Variants in PIK3C2G observed in about 807,000 individuals in gnomAD.
PIK3C2G encodes the protein phosphatidylinositol 3-kinase C2 domain-containing subunit gamma.
A neutral mutation model predicts 181.1 loss-of-function variants in PIK3C2G; 168 were observed. The observed-to-expected ratio is 0.93, with a 90% CI of 0.82 to 1.05. PIK3C2G has a LOEUF of 1.05. Among genes scored for constraint, PIK3C2G ranks in the 50% least tolerant of loss-of-function variants. The probability of loss-of-function intolerance (pLI) is 0.00; values close to 1 mark genes in which losing one functional copy is unlikely to be tolerated. For synonymous variants in PIK3C2G, 573 were observed against 592.2 expected (o/e 0.97, Z 0.47); for missense variants, 1,869 against 1,732.8 (o/e 1.08, Z -1.40).
At chr12:18,458,289 C>A (rs1211547433) in intron 18 of PIK3C2G, among the ~76,000 whole-genome samples, 1 of 152,096 alleles carries the variant, frequency 6.6e-6, no homozygotes, top group Non-Finnish European at 1.5e-5. Context: ...ATTTTCTGGG[C>A]ATACTGTGTT....
intron 14 of PIK3C2G, among the ~76,000 whole-genome samples, chr12:18,386,924 A>T (rs999768165): frequency 3.9e-5 from 6 of 152,150 alleles, no homozygotes; most frequent in Non-Finnish European, 8.8e-5. Flanking sequence ...TCTCTAGTTC[A>T]GACTTCTTCA....
chr12:18,382,046 A>T (rs899235034), intron 14 of PIK3C2G, among the ~76,000 whole-genome samples, 166 bp downstream of exon 14: 1 of 152,110 alleles, frequency 6.6e-6, no homozygotes, highest in Non-Finnish European at 1.5e-5. Flanking sequence ...TATGTACAGT[A>T]CTCTCAAAGC....
intron 24 of PIK3C2G, among the ~76,000 whole-genome samples, chr12:18,518,362 C>A (rs1942687385): frequency 6.6e-6 from 1 of 152,154 alleles, no homozygotes; most frequent in Non-Finnish European, 1.5e-5. Context: ...TCTGTCTGGT[C>A]CTGGACTATT....
chr12:18,526,213 T>C (rs1943225525), intron 24 of PIK3C2G, among the ~76,000 whole-genome samples: 1 of 152,180 alleles, frequency 6.6e-6, no homozygotes, highest in African/African-American at 2.4e-5. Context: ...CAGTACAATA[T>C]TCACAGTGAT....
intron 16 of PIK3C2G, among the ~76,000 whole-genome samples, chr12:18,415,207 G>A (rs1193789356): frequency 6.6e-6 from 1 of 152,182 alleles, no homozygotes; most frequent in Non-Finnish European, 1.5e-5. Flanking sequence ...GCTTCCTTGA[G>A]TCAAGAAAAT....
At chr12:18,594,222 C>T (rs1268238633) in intron 29 of PIK3C2G, among the ~76,000 whole-genome samples, 3 of 151,904 alleles carry the variant, frequency 2.0e-5, no homozygotes, top group South Asian at 2.1e-4. Context: ...AGAATGTGGA[C>T]ATTTATGATG....
At chr12:18,394,195 C>T (rs1229448954) in intron 15 of PIK3C2G, among the ~76,000 whole-genome samples, 3 of 151,972 alleles carry the variant, frequency 2.0e-5, no homozygotes, top group South Asian at 4.1e-4. Flanking sequence ...GGATTAAGTC[C>T]ACTCTAGCCC....
intron 11 of PIK3C2G, among the ~76,000 whole-genome samples, chr12:18,359,931 T>C (rs11044048): frequency 6.6e-6 from 1 of 152,026 alleles, no homozygotes; most frequent in African/African-American, 2.4e-5. Flanking sequence ...AAATGGATAA[T>C]GTCTTTTGAT....
At chr12:18,515,102 A>G (rs1477272087) in intron 24 of PIK3C2G, among the ~76,000 whole-genome samples, 1 of 151,862 alleles carries the variant, frequency 6.6e-6, no homozygotes, top group East Asian at 1.9e-4. Flanking sequence ...GATCATGGTG[A>G]CTGATCTTTT....
intron 29 of PIK3C2G, among the ~76,000 whole-genome samples, chr12:18,578,666 A>T (rs1433546668): frequency 6.6e-6 from 1 of 152,182 alleles, no homozygotes; most frequent in African/African-American, 2.4e-5. Context: ...TCAGATTTTT[A>T]AAATCTTGTA....
chr12:18,373,018 CA>C (rs890334910), intron 13 of PIK3C2G, among the ~76,000 whole-genome samples: 15 of 151,638 alleles, frequency 9.9e-5, no homozygotes, highest in African/African-American at 2.9e-4. Context: ...AAACATTTTT[CA>C]AAAAAAACCT....
chr12:18,576,146 A>G (rs976356640), intron 29 of PIK3C2G, among the ~76,000 whole-genome samples: 2 of 152,372 alleles, frequency 1.3e-5, no homozygotes, highest in South Asian at 4.1e-4. Flanking sequence ...AAATTTAGAA[A>G]AAGAAGTTTG....
intron 8 of PIK3C2G, among the ~76,000 whole-genome samples, chr12:18,332,884 T>C (rs777512160): frequency 3.9e-5 from 6 of 152,042 alleles, no homozygotes; most frequent in Non-Finnish European, 7.4e-5. Context: ...ATGACTTCAG[T>C]TTCCTGCACA....
At chr12:18,709,495 T>C in the PIK3C2G span, among the ~76,000 whole-genome samples, 12 of 150,788 alleles carry the variant, frequency 8.0e-5, no homozygotes, top group South Asian at 2.1e-3. Context: ...ATTTTGGCTA[T>C]TTGAAGTCTT....
In PIK3C2G at chr12:18,433,909, G is replaced by A. The variant is rs114745037; in HGVS notation, c.2504+9870G>A. Reference sequence around the variant, plus strand: ...GGACAGGGAAAAGATCTGGGATGGTGACAGAAAATTGAATGTCATCAGCTC... The same window carrying A: ...GGACAGGGAAAAGATCTGGGATGGTAACAGAAAATTGAATGTCATCAGCTC... On this transcript the variant is annotated intron_variant, in intron 18 of 32. Coordinates refer to ENST00000538779, the MANE Select transcript of PIK3C2G (RefSeq NM_001288772.2). Among the ~76,000 whole-genome samples, 953 of 152,278 alleles carry A rather than the reference G, an allele frequency of 6.3e-3. 13 individuals are homozygous for A. Among genetic ancestry groups the A allele is most frequent in the African/African-American group, 0.022 (922 of 41,560 alleles).
intron 24 of PIK3C2G, among the ~76,000 whole-genome samples, chr12:18,533,337 T>C (rs1943657017): frequency 6.6e-6 from 1 of 152,150 alleles, no homozygotes; most frequent in Non-Finnish European, 1.5e-5. Context: ...GCAGTCTTCC[T>C]GCTACACAAG....
At chr12:18,560,693 T>C (rs143230815) in intron 26 of PIK3C2G, among the ~76,000 whole-genome samples, 10 of 152,048 alleles carry the variant, frequency 6.6e-5, no homozygotes, top group Non-Finnish European at 1.3e-4. Context: ...TATAAAACTA[T>C]ATCAAAACTA....
chr12:18,370,036 A>G (rs1474476126), intron 12 of PIK3C2G, among the ~76,000 whole-genome samples: 1 of 150,896 alleles, frequency 6.6e-6, no homozygotes, highest in African/African-American at 2.4e-5. Flanking sequence ...TTGACATATG[A>G]TCATATAACG....
chr12:18,402,081 G>A (rs190509253), intron 16 of PIK3C2G, among the ~76,000 whole-genome samples: 1 of 152,228 alleles, frequency 6.6e-6, no homozygotes, highest in East Asian at 1.9e-4. Flanking sequence ...ACGCATGTTT[G>A]TAACAACATT....
Sources: allele counts gnomAD v4.1 joint callset (sites outside exome capture counted in the v4.1 genomes callset), GRCh38; gene constraint gnomAD v4.1.1; transcripts MANE v1.5; gene names NCBI Gene and HGNC (gene_info 2026-07-23, HGNC 2026-07-21).